Variants in THADA observed in about 807,000 individuals in gnomAD.
The protein encoded by THADA is tRNA (32-2'-O)-methyltransferase regulator THADA.
A neutral mutation model predicts 219.8 loss-of-function variants in THADA; 213 were observed. That is an observed-to-expected ratio of 0.97 (90% CI 0.87 to 1.09). The LOEUF (loss-of-function observed/expected upper bound fraction) is 1.09, where lower values mean the gene tolerates loss of function less well. Ranked by LOEUF, THADA falls within the 50% of genes least tolerant of loss-of-function variation. The probability of loss-of-function intolerance (pLI) is 0.00; values close to 1 mark genes in which losing one functional copy is unlikely to be tolerated. For synonymous variants in THADA, 1,018 were observed against 828.9 expected (o/e 1.23, Z -3.92); for missense variants, 2,956 against 2,311.3 (o/e 1.28, Z -5.72).
intron 36 of THADA, among the ~76,000 whole-genome samples, chr2:43,275,163 C>T (rs567420451): frequency 2.0e-5 from 3 of 152,044 alleles, no homozygotes; most frequent in Admixed American, 1.3e-4. Context: ...CACCACTATG[C>T]CCAGCTAATT....
chr2:43,529,995 G>A (rs184201743), intron 21 of THADA, among the ~76,000 whole-genome samples: 14 of 152,078 alleles, frequency 9.2e-5, no homozygotes, highest in Non-Finnish European at 1.9e-4. Context: ...AGTTCAATAT[G>A]AGTTCTGACT....
intron 36 of THADA, among the ~76,000 whole-genome samples, chr2:43,234,943 GAT>G (rs1667857210): frequency 6.6e-6 from 1 of 151,226 alleles, no homozygotes; most frequent in Non-Finnish European, 1.5e-5. Flanking sequence ...AAAGTGCTGG[GAT>G]TACAGGTATG....
intron 30 of THADA, among the ~76,000 whole-genome samples, chr2:43,331,217 G>C (rs890836803): frequency 2.0e-5 from 3 of 152,182 alleles, no homozygotes; most frequent in Non-Finnish European, 4.4e-5. Flanking sequence ...TATAAATTCT[G>C]TGGTTCTATG....
intron 36 of THADA, among the ~76,000 whole-genome samples, chr2:43,251,348 G>A (rs964191007): frequency 1.3e-4 from 20 of 152,190 alleles, no homozygotes; most frequent in Admixed American, 2.6e-4. Context: ...TTTTAAGGGA[G>A]GCTATACCCT....
rs564882639 is a variant in THADA at position 43,521,992 on chromosome 2, A to C, written c.3374+5887T>G. On this transcript the variant is annotated intron_variant, in intron 22 of 37. Coordinates refer to ENST00000405975, the MANE Select transcript of THADA (RefSeq NM_022065.5). ...GAGAAATGTCACCTTCATTTCCTCA[A>C]ACTCTTTCAGTATGATTTATTTTTT... Among the ~76,000 whole-genome samples, 7 of 152,326 alleles carry C rather than the reference A, an allele frequency of 4.6e-5. No homozygotes were observed. In the East Asian group the frequency reaches 1.3e-3, roughly 29 times the overall value.
intron 29 of THADA, among the ~76,000 whole-genome samples, chr2:43,391,144 C>T (rs1573421223): frequency 6.6e-6 from 1 of 152,254 alleles, no homozygotes; most frequent in Middle Eastern, 3.4e-3. Flanking sequence ...GTGACTGGTA[C>T]ATCACACTCA....
At chr2:43,390,033 G>T (rs1158605803) in intron 29 of THADA, among the ~76,000 whole-genome samples, 2 of 152,092 alleles carry the variant, frequency 1.3e-5, no homozygotes, top group African/African-American at 4.8e-5. Flanking sequence ...ATAAATATTT[G>T]CTAAGCAGAA....
chr2:43,248,164 TAGAGAGAGAGAGAGAGAG>T (rs70963389), intron 36 of THADA, among the ~76,000 whole-genome samples: 226 of 40,786 alleles, frequency 5.5e-3, no homozygotes, highest in African/African-American at 0.02. Flanking sequence ...TATATATATA[TAGAGAGAGAGAGAGAGAG>T]AGAGAGAGAG....
At chr2:43,307,281 G>A (rs996753452) in intron 31 of THADA, among the ~76,000 whole-genome samples, 2 of 152,218 alleles carry the variant, frequency 1.3e-5, no homozygotes, top group Non-Finnish European at 2.9e-5. Flanking sequence ...GAAACGATGA[G>A]ATATCAGAGT....
In THADA at chr2:43,508,654, G is replaced by A; in HGVS notation, c.3501C>T (p.Tyr1167=). ...GGGTCCTACAGATAAATACCTGTAT[G>A]TAGAAAGGAATTCCAGCACTGCGCC... is the stretch of plus-strand genomic sequence containing the variant. ...ATRRSAGIPF[Y]IQALLASEPK... The change falls in exon 23 of 38, where the codon TAC becomes TAT. Residue 1167 remains tyrosine, a synonymous_variant. Transcript: ENST00000405975. The A allele has an allele frequency of 1.2e-6, 2 of 1,612,996 alleles. No homozygotes were observed. Among genetic ancestry groups the A allele is most frequent in the Non-Finnish European group, 1.7e-6 (2 of 1,179,466 alleles).
intron 21 of THADA, among the ~76,000 whole-genome samples, chr2:43,531,955 C>T (rs1693929957): frequency 6.6e-6 from 1 of 151,406 alleles, no homozygotes; most frequent in African/African-American, 2.4e-5. Flanking sequence ...AGGCAAACAT[C>T]ACAGACAACA....
At chr2:43,270,429 A>G (rs1243390014) in intron 36 of THADA, among the ~76,000 whole-genome samples, 1 of 152,150 alleles carries the variant, frequency 6.6e-6, no homozygotes, top group Non-Finnish European at 1.5e-5. Context: ...TCTGGTCCCC[A>G]ACCCATTTTC....
intron 29 of THADA, among the ~76,000 whole-genome samples, chr2:43,350,375 T>C (rs938086647): frequency 1.3e-5 from 2 of 152,232 alleles, no homozygotes; most frequent in Non-Finnish European, 2.9e-5. Context: ...TGTGTTTGTA[T>C]GTGAGTGGAG....
At chr2:43,431,095 A>T (rs1488822446) in intron 26 of THADA, among the ~76,000 whole-genome samples, 1 of 152,258 alleles carries the variant, frequency 6.6e-6, no homozygotes, top group Non-Finnish European at 1.5e-5. Context: ...ATTTAGGAAC[A>T]AACTGTCTCC....
At chr2:43,439,001 A>G (rs1045627432) in intron 26 of THADA, among the ~76,000 whole-genome samples, 1 of 152,196 alleles carries the variant, frequency 6.6e-6, no homozygotes, top group Admixed American at 6.5e-5. Flanking sequence ...TAAATTGCCT[A>G]TGTGATAAGA....
At chr2:43,413,181 T>G (rs1676507429) in intron 28 of THADA, among the ~76,000 whole-genome samples, 1 of 152,180 alleles carries the variant, frequency 6.6e-6, no homozygotes, top group African/African-American at 2.4e-5. Flanking sequence ...GCTATTTTCT[T>G]TATTTTCCCT....
chr2:43,268,928 C>T (rs566937326), intron 36 of THADA, among the ~76,000 whole-genome samples: 6 of 152,250 alleles, frequency 3.9e-5, no homozygotes, highest in East Asian at 3.9e-4. Context: ...GAACCAGGGA[C>T]GAACGAGAAA....
intron 12 of THADA, among the ~76,000 whole-genome samples, chr2:43,572,312 A>G (rs1312438706): frequency 6.6e-6 from 1 of 152,210 alleles, no homozygotes; most frequent in African/African-American, 2.4e-5. Flanking sequence ...GTGCCTGGGA[A>G]CCAACTAAGT....
intron 20 of THADA, among the ~76,000 whole-genome samples, 178 bp downstream of exon 20, chr2:43,549,032 T>C (rs1038734167): frequency 1.3e-5 from 2 of 152,118 alleles, no homozygotes; most frequent in Admixed American, 6.6e-5. Flanking sequence ...CTGGTAAAAG[T>C]CTTATAAATC....
Sources: allele counts gnomAD v4.1 joint callset (sites outside exome capture counted in the v4.1 genomes callset), GRCh38; gene constraint gnomAD v4.1.1; transcripts MANE v1.5; gene names NCBI Gene and HGNC (gene_info 2026-07-23, HGNC 2026-07-21).